Variants in TACR1 observed in about 807,000 individuals in gnomAD.
The protein encoded by TACR1 is substance-P receptor.
Under a neutral mutation model 35.8 loss-of-function variants are expected in TACR1, and 25 were observed. That is an observed-to-expected ratio of 0.70 (90% CI 0.51 to 0.98). The LOEUF (loss-of-function observed/expected upper bound fraction) is 0.98. TACR1 is among the 50% of genes least tolerant of loss of function. The probability of loss-of-function intolerance (pLI) is 0.00; values close to 1 mark genes in which losing one functional copy is unlikely to be tolerated. For missense variants in TACR1, 478 were observed against 522.9 expected, an observed-to-expected ratio of 0.91 and a Z score of 0.84; for synonymous variants, 195 against 206.7, an observed-to-expected ratio of 0.94 and a Z score of 0.48.
chr2:75,154,401 A>AGCGCGC lies in TACR1; in HGVS notation c.390-33639_390-33634dup, dbSNP rs142809732. On this transcript the variant is annotated intron_variant, in intron 1 of 4. Transcript: ENST00000305249. Reference sequence around the variant, plus strand: ...TGGCCCAGGGAGATAATCAGCCAAGAGCGCGCACGCACACACACACACACA... The same window carrying AGCGCGC: ...TGGCCCAGGGAGATAATCAGCCAAGAGCGCGCGCGCGCACGCACACACACACACACA... The AGCGCGC allele has an allele frequency of 9.8e-3, 749 of 76,378 alleles. 73 individuals are homozygous for AGCGCGC. Among genetic ancestry groups the AGCGCGC allele is most frequent in the Middle Eastern group, 0.022 (3 of 136 alleles). The allele number at this position is 76,378 out of a possible 1,614,324, so 4.7% of individuals were successfully genotyped here. A position where few individuals can be genotyped will look rare whatever the true frequency, so the allele number is the denominator to read the frequency against.
chr2:75,141,353 A>AT (rs1311980562), intron 1 of TACR1, among the ~76,000 whole-genome samples: 1 of 152,172 alleles, frequency 6.6e-6, no homozygotes, highest in Non-Finnish European at 1.5e-5. Flanking sequence ...CCTCTCCAAG[A>AT]TAAAACCCTC....
rs1558542493 is a variant in TACR1, at chr2:75,070,231, GTATGTGTGTGTGTGTGTGTGTA to G, written c.585-16498_585-16477del. Among the ~76,000 whole-genome samples, 8 of 145,966 alleles carry G rather than the reference GTATGTGTGTGTGTGTGTGTGTA, an allele frequency of 5.5e-5. No individual in the cohort carries two copies. In the South Asian group the frequency reaches 6.5e-4, roughly 12 times the overall value. On this transcript the variant is annotated intron_variant, in intron 2 of 4. Transcript: ENST00000305249. ...CAACATTGTATGTATGTGTGTGTGT[GTATGTGTGTGTGTGTGTGTGTA>G]TGTGTGTGTGTGTGTGTTTTGAGCA...
intron 1 of TACR1, among the ~76,000 whole-genome samples, chr2:75,197,374 A>T (rs1008748517): frequency 5.3e-5 from 8 of 152,130 alleles, no homozygotes; most frequent in African/African-American, 1.9e-4. Context: ...GTAGTTTGGA[A>T]TTTTTTTTGA....
At chr2:75,139,552 G>A (rs1002543016) in intron 1 of TACR1, among the ~76,000 whole-genome samples, 3 of 152,230 alleles carry the variant, frequency 2.0e-5, no homozygotes, top group Non-Finnish European at 4.4e-5. Flanking sequence ...TTGCTGCTCA[G>A]TGGACAGTGG....
intron 1 of TACR1, among the ~76,000 whole-genome samples, chr2:75,160,450 T>G (rs1674978947): frequency 6.6e-6 from 1 of 151,960 alleles, no homozygotes; most frequent in African/African-American, 2.4e-5. Context: ...ATTCATAACA[T>G]GGACACTGTG....
chr2:75,188,862 G>A, intron 1 of TACR1: 1 of 152,130 alleles, frequency 6.6e-6, no homozygotes, highest in East Asian at 1.9e-4. Flanking sequence ...GCCTGGCTTT[G>A]TTAAACCCAA....
chr2:75,081,385 A>G (rs942313921), intron 2 of TACR1, among the ~76,000 whole-genome samples: 4 of 152,178 alleles, frequency 2.6e-5, no homozygotes, highest in Non-Finnish European at 5.9e-5. Flanking sequence ...CAGGACCAAG[A>G]ACCCTCTACC....
intron 1 of TACR1, among the ~76,000 whole-genome samples, chr2:75,130,840 T>C (rs1409569434): frequency 6.6e-6 from 1 of 152,224 alleles, no homozygotes; most frequent in Non-Finnish European, 1.5e-5. Flanking sequence ...GCAGGGAAAA[T>C]GGTGCATTTC....
chr2:75,162,827 G>A lies in TACR1; in HGVS notation c.389+35719C>T, dbSNP rs141623488. 1.2e-3 allele frequency among the ~76,000 whole-genome samples: 185 copies of A among 152,282 alleles called. 1 individual carries two copies. The highest frequency in any genetic ancestry group is 1.2e-3 in the Non-Finnish European group (80 of 68,016). Reference sequence around the variant, plus strand: ...TCAAAAATTTTGTTGATGTTTCAAGGTTGTTAAAATTCCATGCTAGAATCC... The same window carrying A: ...TCAAAAATTTTGTTGATGTTTCAAGATTGTTAAAATTCCATGCTAGAATCC... On this transcript the variant is annotated intron_variant, in intron 1 of 4. Coordinates refer to ENST00000305249, the MANE Select transcript of TACR1 (RefSeq NM_001058.4).
At chr2:75,183,386 G>GT (rs1338697613) in intron 1 of TACR1, among the ~76,000 whole-genome samples, 1 of 152,130 alleles carries the variant, frequency 6.6e-6, no homozygotes, top group Non-Finnish European at 1.5e-5. Context: ...GTTTATCTAT[G>GT]TTTTTTCTCT....
chr2:75,150,544 C>T (rs1037513353), intron 1 of TACR1, among the ~76,000 whole-genome samples: 1 of 152,108 alleles, frequency 6.6e-6, no homozygotes, highest in East Asian at 1.9e-4. Context: ...TGAAGTGGTA[C>T]CAGTGAATCT....
intron 1 of TACR1, among the ~76,000 whole-genome samples, chr2:75,135,730 C>A (rs1055685549): frequency 1.3e-5 from 2 of 152,194 alleles, no homozygotes; most frequent in South Asian, 4.1e-4. Flanking sequence ...AGAGACACTT[C>A]AGCATGATGA....
At chr2:75,082,815 CTGGATAT>C (rs1237778098) in intron 2 of TACR1, among the ~76,000 whole-genome samples, 5 of 152,052 alleles carry the variant, frequency 3.3e-5, no homozygotes, top group Non-Finnish European at 7.4e-5. Flanking sequence ...ATTGTAGATT[CTGGATAT>C]TAGCCCTTTG....
intron 2 of TACR1, among the ~76,000 whole-genome samples, chr2:75,072,557 C>T (rs1159106178): frequency 6.6e-6 from 1 of 152,224 alleles, no homozygotes; most frequent in Non-Finnish European, 1.5e-5. Flanking sequence ...TGGGCATTGG[C>T]ATTGGCCAGA....
At chr2:75,049,802 A>G in intron 4 of TACR1, 79 bp from the exon 5 acceptor site, 6 of 1,449,544 alleles carry the variant, frequency 4.1e-6, no homozygotes, top group Non-Finnish European at 5.6e-6. Flanking sequence ...TCAGCTTGTT[A>G]ACACATGGAC....
chr2:75,186,130 T>C (rs1314468936), intron 1 of TACR1, among the ~76,000 whole-genome samples: 2 of 151,968 alleles, frequency 1.3e-5, no homozygotes, highest in East Asian at 3.8e-4. Context: ...TCCCAGCACT[T>C]TGGGAGGCTG....
At chr2:75,195,743 G>C (rs1675955057) in intron 1 of TACR1, among the ~76,000 whole-genome samples, 1 of 151,972 alleles carries the variant, frequency 6.6e-6, no homozygotes, top group Non-Finnish European at 1.5e-5. Context: ...CAAAAATCTA[G>C]AAATCACCTA....
At chr2:75,185,180 T>C (rs1202538520) in intron 1 of TACR1, among the ~76,000 whole-genome samples, 1 of 151,948 alleles carries the variant, frequency 6.6e-6, no homozygotes, top group Non-Finnish European at 1.5e-5. Context: ...GTTTGAACAA[T>C]AGGATAAACT....
intron 1 of TACR1, among the ~76,000 whole-genome samples, chr2:75,147,729 A>G (rs1251869267): frequency 6.7e-6 from 1 of 148,412 alleles, no homozygotes; most frequent in Admixed American, 6.8e-5. Context: ...GTCCCTGCAA[A>G]GGACATGATC....
Sources: gnomAD v4.1 joint callset for allele counts (sites outside exome capture counted in the v4.1 genomes callset) on GRCh38, gnomAD v4.1.1 for gene constraint, MANE v1.5 for transcripts, NCBI Gene and HGNC (gene_info 2026-07-23, HGNC 2026-07-21) for gene names.